The following SOX13 variants were observed in gnomAD, a reference collection of about 807,000 sequenced individuals.
SOX13 encodes SRY-box transcription factor 13, also known as transcription factor SOX-13.
A neutral mutation model predicts 71.8 loss-of-function variants in SOX13; 28 were observed. The ratio of observed to expected loss-of-function variants is 0.39; its 90% CI spans 0.29 to 0.53. SOX13 has a LOEUF of 0.53. SOX13 is among the 20% of genes least tolerant of loss of function. The pLI is 0.70. For synonymous variants in SOX13, 309 were observed against 317.8 expected (o/e 0.97, Z 0.29); for missense variants, 627 against 810.3 (o/e 0.77, Z 2.75).
At chr1:204,122,045 G>T in intron 8 of SOX13, 60 bp downstream of exon 8, 2 of 1,293,264 alleles carry the variant, frequency 1.5e-6, no homozygotes, top group Non-Finnish European at 2.2e-6. Flanking sequence ...GCCGGCTGCC[G>T]TGTTAGGGAA....
intron 1 of SOX13, among the ~76,000 whole-genome samples, chr1:204,075,187 GCGCTCTCCGTCGAGCCAGGC>G (rs1453821240): frequency 6.6e-6 from 1 of 152,230 alleles, no homozygotes; most frequent in African/African-American, 2.4e-5. Context: ...CAGCCGGGCG[GCGCTCTCCGTCGAGCCAGGC>G]CGCTCTCTGC....
chr1:204,076,037 T>A (rs1309782640), intron 1 of SOX13, among the ~76,000 whole-genome samples: 1 of 152,222 alleles, frequency 6.6e-6, no homozygotes, highest in Non-Finnish European at 1.5e-5. Context: ...TCCTTCTTAC[T>A]CCTTGTCTAG....
intron 1 of SOX13, among the ~76,000 whole-genome samples, chr1:204,093,630 G>T (rs1162455071): frequency 2.0e-5 from 3 of 152,210 alleles, no homozygotes; most frequent in Non-Finnish European, 4.4e-5. Flanking sequence ...GGCGGAGAGG[G>T]TTAATTGGGA....
chr1:204,121,880 C>G lies in SOX13; in HGVS notation c.776-20C>G. 2 of 1,584,584 alleles carry G rather than the reference C, an allele frequency of 1.3e-6. No individual in the cohort carries two copies. The highest frequency in any genetic ancestry group is 1.7e-6 in the Non-Finnish European group (2 of 1,153,712). On this transcript the variant is annotated intron_variant, in intron 7 of 13. Coordinates refer to ENST00000367204, the MANE Select transcript of SOX13 (RefSeq NM_005686.3). ...TTCTGTGCTCATCCAGGACTTTTCTCCTTGCTGCCTTTTCCATAGTGGAGT... is the reference window on the plus strand; with the variant it reads ...TTCTGTGCTCATCCAGGACTTTTCTGCTTGCTGCCTTTTCCATAGTGGAGT...
Position 204,121,993 on chromosome 1 carries a change from C to T in SOX13, c.861+8C>T, listed in dbSNP as rs1159738371. 1 of 1,587,582 alleles carries T rather than the reference C, an allele frequency of 6.3e-7. No homozygotes were observed. Among genetic ancestry groups the T allele is most frequent in the African/African-American group, 1.3e-5 (1 of 74,432 alleles). On this transcript the variant is annotated splice_region_variant and intron_variant, in intron 8 of 13. Transcript: ENST00000367204. ...ACCCACCACCCCCTGCAGGTACCGC[C>T]CTCTACCCACTGGCCTGGGGCTCCC... is the stretch of plus-strand genomic sequence containing the variant.
chr1:204,121,982 G>A lies in SOX13; in HGVS notation c.858G>A (p.Leu286=). The A allele has an allele frequency of 6.2e-7, 1 of 1,601,230 alleles. No homozygotes were observed. Among genetic ancestry groups the A allele is most frequent in the Non-Finnish European group, 8.6e-7 (1 of 1,169,036 alleles). The part of the protein sequence containing the change: ...RPGAMATHHP[L]QEPSQPLNLT... ...GGGCCATGGCCACCCACCACCCCCTGCAGGTACCGCCCTCTACCCACTGGC... is the reference window on the plus strand; with the variant it reads ...GGGCCATGGCCACCCACCACCCCCTACAGGTACCGCCCTCTACCCACTGGC... The change falls in exon 8 of 14, where the codon CTG becomes CTA. Residue 286 remains leucine (L), a synonymous_variant. Coordinates refer to ENST00000367204, the MANE Select transcript of SOX13 (RefSeq NM_005686.3).
chr1:204,124,584 C>A, intron 12 of SOX13, 57 bp from the exon 13 acceptor site: 1 of 1,462,150 alleles, frequency 6.8e-7, no homozygotes, highest in South Asian at 1.2e-5. Flanking sequence ...CTGCATGGGG[C>A]TGGGGGTGGT....
At chr1:204,116,424 T>G in intron 4 of SOX13, 83 bp from the exon 5 acceptor site, 2 of 1,611,294 alleles carry the variant, frequency 1.2e-6, no homozygotes, top group Non-Finnish European at 8.5e-7. Flanking sequence ...TCAATAAGTT[T>G]CTGATGGATG....
rs12092337 is a variant in SOX13, at chr1:204,123,897, T to C, written c.1375+93T>C. 12 of 1,388,864 alleles carry C rather than the reference T, an allele frequency of 8.6e-6. No individual in the cohort carries two copies. Among genetic ancestry groups the C allele is most frequent in the East Asian group, 2.4e-5 (1 of 42,154 alleles). 86.0% of individuals were successfully genotyped at this position (1,388,864 alleles called of 1,614,324 possible). A position where few individuals can be genotyped will look rare whatever the true frequency, so the allele number is the denominator to read the frequency against. Reference sequence around the variant, plus strand: ...GGGCTTGCTTGGTGATATTCCATACTGTGTTGGACTCCAGTGGAATCTGAC... The same window carrying C: ...GGGCTTGCTTGGTGATATTCCATACCGTGTTGGACTCCAGTGGAATCTGAC... On this transcript the variant is annotated intron_variant, in intron 12 of 13. Transcript: ENST00000367204. This position sits in a 1 kb window ranked among gnomAD's most constrained non-coding sequence, Gnocchi z 5.0.
At chr1:204,121,825 C>A in intron 7 of SOX13, 75 bp from the exon 8 acceptor site, 1 of 1,038,382 alleles carries the variant, frequency 9.6e-7, no homozygotes, top group Non-Finnish European at 1.5e-6. Flanking sequence ...TCTTGTGGTG[C>A]TGGGACCTCG....
In SOX13 at chr1:204,123,320, T is replaced by C; in HGVS notation, c.1231+112T>C. The C allele has an allele frequency of 5.8e-6, 5 of 865,560 alleles. No individual in the cohort carries two copies. The highest frequency in any genetic ancestry group is 2.8e-5 in the South Asian group (2 of 70,694). The allele number at this position is 865,560 out of a possible 1,614,324, so 53.6% of individuals were successfully genotyped here. A position where few individuals can be genotyped will look rare whatever the true frequency, so the allele number is the denominator to read the frequency against. The stretch of plus-strand genomic sequence containing the variant: ...TCCCTCCCTTGGTCTGTTGGGTCCT[T>C]TCCAGGTGTGTGTGCCTCTGCTGTC... On this transcript the variant is annotated intron_variant, in intron 11 of 13. Transcript: ENST00000367204. The surrounding 1 kb of genome is among the most constrained non-coding windows in gnomAD (Gnocchi z 5.0).
chr1:204,078,781 C>CT (rs1237906643), intron 1 of SOX13, among the ~76,000 whole-genome samples: 1 of 152,324 alleles, frequency 6.6e-6, no homozygotes, highest in East Asian at 1.9e-4. Flanking sequence ...CTGGCCCTTC[C>CT]TTAGTTCTTG....
chr1:204,121,830 ACCT>A lies in SOX13; in HGVS notation c.776-68_776-66del. 3 of 1,078,486 alleles carry A rather than the reference ACCT, an allele frequency of 2.8e-6. No homozygotes were observed. The South Asian group carries it at 3.9e-5, about 14-fold the overall frequency. 66.8% of individuals were successfully genotyped at this position (1,078,486 alleles called of 1,614,324 possible). ...CCATTGCCCATCTTGTGGTGCTGGG[ACCT>A]CGTCAAGCAGGGTGTCTGCTGTTCT... On this transcript the variant is annotated intron_variant, in intron 7 of 13. Transcript: ENST00000367204.
chr1:204,112,808 C>T, intron 1 of SOX13, 107 bp from the exon 2 acceptor site: 1 of 819,090 alleles, frequency 1.2e-6, no homozygotes, highest in South Asian at 1.9e-5. Flanking sequence ...GTGACAGGCA[C>T]CAGGAGGCAC....
chr1:204,114,909 G>A (rs1656658021), intron 4 of SOX13, among the ~76,000 whole-genome samples: 1 of 152,148 alleles, frequency 6.6e-6, no homozygotes, highest in Non-Finnish European at 1.5e-5. Context: ...ACCGCAAAAT[G>A]AGCAGAAAGT....
chr1:204,087,207 C>A (rs1325992181), intron 1 of SOX13, among the ~76,000 whole-genome samples: 1 of 152,250 alleles, frequency 6.6e-6, no homozygotes, highest in Non-Finnish European at 1.5e-5. Context: ...CAGGCGTGAG[C>A]CACCGCGCCC....
chr1:204,106,202 G>T (rs1656467127), intron 1 of SOX13, among the ~76,000 whole-genome samples: 1 of 152,212 alleles, frequency 6.6e-6, no homozygotes, highest in African/African-American at 2.4e-5. Context: ...AAAAGGAAAT[G>T]GAATCGCTTT....
intron 1 of SOX13, among the ~76,000 whole-genome samples, chr1:204,105,413 C>CTTTTTTGTTTTTT (rs1656448813): frequency 7.2e-6 from 1 of 137,964 alleles, no homozygotes; most frequent in Admixed American, 6.9e-5. Context: ...TGTATAATCT[C>CTTTTTTGTTTTTT]TTTTTTTTTT....
rs549874618 is a variant in SOX13, at chr1:204,121,111, C to A, written c.776-789C>A. Among the ~76,000 whole-genome samples, 369 of 152,106 alleles carry A rather than the reference C, an allele frequency of 2.4e-3. 3 individuals carry two copies. The highest frequency in any genetic ancestry group is 8.3e-3 in the African/African-American group (343 of 41,510). ...TCTCCTGCCTCAGCCTCCTGAATAT[C>A]TGGGATTACAGGCGCGTGCCACCGC... On this transcript the variant is annotated intron_variant, in intron 7 of 13. Coordinates refer to ENST00000367204, the MANE Select transcript of SOX13 (RefSeq NM_005686.3).
Sources: allele counts gnomAD v4.1 joint callset (sites outside exome capture counted in the v4.1 genomes callset), GRCh38; gene constraint gnomAD v4.1.1; non-coding constraint Gnocchi (gnomAD v3.1); transcripts MANE v1.5; gene names NCBI Gene and HGNC (gene_info 2026-07-23, HGNC 2026-07-21).